KLK14: variants seen among roughly 807,000 people sequenced by gnomAD.
KLK14 encodes the protein kallikrein-14.
KLK14 carries 21 observed loss-of-function variants against 24.6 expected under a neutral mutation model. The observed-to-expected ratio is 0.85, with a 90% CI of 0.61 to 1.23. The LOEUF (loss-of-function observed/expected upper bound fraction) is 1.23, where lower values mean the gene tolerates loss of function less well. Among genes scored for constraint, KLK14 ranks in the 50% most tolerant of loss-of-function variants. The pLI, the probability that KLK14 is intolerant of heterozygous loss-of-function variation, is 0.00. For missense variants in KLK14, 320 were observed against 338.9 expected (o/e 0.94, Z 0.44); for synonymous variants, 133 against 139.7 (o/e 0.95, Z 0.34).
At chr19:51,081,186 T>C (rs527350245) in intron 3 of KLK14, among the ~76,000 whole-genome samples, 4 of 152,212 alleles carry the variant, frequency 2.6e-5, no homozygotes, top group Non-Finnish European at 5.9e-5. Context: ...CCTGAGTTTC[T>C]GAATGTAGAC....
chr19:51,079,821 A>G (rs2091828570), intron 3 of KLK14, 119 bp from the exon 4 acceptor site: 3 of 1,413,002 alleles, frequency 2.1e-6, no homozygotes, highest in South Asian at 1.4e-5. Flanking sequence ...CCTGCTTCTC[A>G]CTAACTGCAG....
downstream of KLK14, chr19:51,077,829 C>T (rs1280910544): frequency 7.1e-6 from 3 of 420,580 alleles, no homozygotes; most frequent in East Asian, 8.0e-5. Context: ...GGGGCCTGGA[C>T]TCCTGGGTCT....
At chr19:51,079,947 A>G (rs116811942) in intron 3 of KLK14, among the ~76,000 whole-genome samples, 152 of 152,204 alleles carry the variant, frequency 1.0e-3, no homozygotes, top group African/African-American at 3.4e-3. Context: ...GCTTGGGAAG[A>G]AGGTGATGAT....
chr19:51,079,164 G>GT (rs770316482), intron 4 of KLK14, among the ~76,000 whole-genome samples: 2 of 133,652 alleles, frequency 1.5e-5, no homozygotes, highest in Non-Finnish European at 3.1e-5. Flanking sequence ...CAGGTCCCCA[G>GT]CCCCTCCTCC....
In KLK14 at chr19:51,081,384, G is replaced by A; in HGVS notation, c.212+148C>T. On this transcript the variant is annotated intron_variant, in intron 3 of 5. Transcript: ENST00000650543. ...TGGAGGAGCCCACATCCCGAGCTGT[G>A]TTTTTGTTCCAGGCTCTTCTCTAGA... The A allele has an allele frequency of 1.3e-5, 8 of 619,470 alleles. No homozygotes were observed. In the Middle Eastern group the frequency reaches 3.1e-3, roughly 238 times the overall value. 38.4% of individuals were successfully genotyped at this position (619,470 alleles called of 1,614,324 possible).
intron 2 of KLK14, 76 bp downstream of exon 2, chr19:51,082,499 G>T (rs2091846836): frequency 7.0e-7 from 1 of 1,419,428 alleles, no homozygotes; most frequent in Non-Finnish European, 9.8e-7. Context: ...GCATCCAGGG[G>T]CCCCAAGGAC....
Position 51,081,512 on chromosome 19 carries a change from C to A in KLK14, c.212+20G>T. ...CTCTGGAATTCACTAGGTACAGGGA[C>A]AGGGGAGGGGGTCACTTACGGGCGG... On this transcript the variant is annotated intron_variant, in intron 3 of 5. Coordinates refer to ENST00000650543, the MANE Select transcript of KLK14 (RefSeq NM_001369775.2). 1 of 1,488,146 alleles carries A rather than the reference C, an allele frequency of 6.7e-7. No individual in the cohort carries two copies. The allele number at this position is 1,488,146 out of a possible 1,614,324, so 92.2% of individuals were successfully genotyped here. A position where few individuals can be genotyped will look rare whatever the true frequency, so the allele number is the denominator to read the frequency against.
In KLK14 at chr19:51,082,886, T is replaced by A. The variant is rs1466763223; in HGVS notation, c.-187A>T. The A allele has an allele frequency of 1.1e-6, 1 of 929,502 alleles. No individual in the cohort carries two copies. Among genetic ancestry groups the A allele is most frequent in the Non-Finnish European group, 1.6e-6 (1 of 608,058 alleles). 57.6% of individuals were successfully genotyped at this position (929,502 alleles called of 1,614,324 possible). A position where few individuals can be genotyped will look rare whatever the true frequency, so the allele number is the denominator to read the frequency against. The stretch of plus-strand genomic sequence containing the variant: ...ATGAAGGAAGGAGGGGAGGTGTCTC[T>A]CTTCCTAGTCACACTGGCAAAGCCT... On this transcript the variant is annotated 5_prime_UTR_variant, in exon 1 of 6. Coordinates refer to ENST00000650543, the MANE Select transcript of KLK14 (RefSeq NM_001369775.2).
chr19:51,081,541 C>A lies in KLK14; in HGVS notation c.203G>T (p.Cys68Phe). 1 of 1,519,342 alleles carries A rather than the reference C, an allele frequency of 6.6e-7. No homozygotes were observed. The highest frequency in any genetic ancestry group is 8.9e-7 in the Non-Finnish European group (1 of 1,128,326). The allele number at this position is 1,519,342 out of a possible 1,614,324, so 94.1% of individuals were successfully genotyped here. Residue 68 changes from cysteine (C) to phenylalanine (F), a missense_variant, in exon 3 of 6, where the codon TGC (cysteine) becomes TTC (phenylalanine). Cys to Phe is a radical substitution (Grantham distance 205). Transcript: ENST00000650543. Reference protein sequence around the residue: ...SGQWVITAAHCGRPILQVALG... With the variant: ...SGQWVITAAHFGRPILQVALG... ...GGAGGGGGTCACTTACGGGCGGCCG[C>A]AGTGAGCAGCAGTGATGACCCACTG...
At position 51,078,257 on chromosome 19, in the gene KLK14, A is replaced by C. The variant is rs1001331207; in HGVS notation, c.604-98T>G. On this transcript the variant is annotated intron_variant, in intron 5 of 5. Transcript: ENST00000650543. The surrounding 1 kb of genome is among the most constrained non-coding windows in gnomAD (Gnocchi z 5.0). ...GAAGCAGACACAGGGAGACAGGCAG[A>C]GACACTGGTGGACAGTTAGGGACAC... 30 of 1,307,640 alleles carry C rather than the reference A, an allele frequency of 2.3e-5. No homozygotes were observed. Among genetic ancestry groups the C allele is most frequent in the Non-Finnish European group, 2.5e-5 (24 of 946,734 alleles). 81.0% of individuals were successfully genotyped at this position (1,307,640 alleles called of 1,614,324 possible).
chr19:51,079,742 A>C, intron 3 of KLK14, 40 bp from the exon 4 acceptor site: 1 of 1,525,438 alleles, frequency 6.6e-7, no homozygotes, highest in South Asian at 1.2e-5. Context: ...TCAGGGTCTG[A>C]GCCAGAGACT....
intron 3 of KLK14, 70 bp from the exon 4 acceptor site, chr19:51,079,772 G>A (rs906390444): frequency 8.1e-5 from 121 of 1,491,282 alleles, no homozygotes; most frequent in Non-Finnish European, 1.0e-4. Context: ...CCTCCAGCCC[G>A]GTTCCCTGGC....
upstream of KLK14, among the ~76,000 whole-genome samples, chr19:51,083,546 A>G (rs1384640149): frequency 6.6e-6 from 1 of 152,008 alleles, no homozygotes; most frequent in East Asian, 1.9e-4. Flanking sequence ...GACAGTGGAG[A>G]GAGAGGAGTC....
At chr19:51,079,054 C>T (rs62114142) in intron 4 of KLK14, 103 bp from the exon 5 acceptor site, 45,570 of 690,100 alleles carry the variant, frequency 0.066, 856 homozygotes, top group African/African-American at 0.17. Context: ...CCAGCCCCAG[C>T]ACCTCCTCCC....
chr19:51,078,097 C>T lies in KLK14; in HGVS notation c.666G>A (p.Met222Ile), dbSNP rs1290469614. Residue 222 changes from methionine (M) to isoleucine (I), a missense_variant, in exon 6 of 6, where the codon ATG (methionine) becomes ATA (isoleucine). Physicochemically the swap from Met to Ile is conservative, Grantham distance 10 (BLOSUM62 1). Coordinates refer to ENST00000650543, the MANE Select transcript of KLK14 (RefSeq NM_001369775.2). This position sits in a 1 kb window ranked among gnomAD's most constrained non-coding sequence, Gnocchi z 5.0. ...GQLQGLVSWG[M>I]ERCALPGYPG... Reference sequence around the variant, plus strand: ...GGTAGCCAGGCAGGGCGCAGCGCTCCATTCCCCAAGACACGAGGCCCTGGA... The same window carrying T: ...GGTAGCCAGGCAGGGCGCAGCGCTCTATTCCCCAAGACACGAGGCCCTGGA... 2 of 1,613,960 alleles carry T rather than the reference C, an allele frequency of 1.2e-6. No homozygotes were observed. Among genetic ancestry groups the T allele is most frequent in the Admixed American group, 3.3e-5 (2 of 60,004 alleles).
Position 51,078,242 on chromosome 19 carries a change from CAG to C in KLK14, c.604-85_604-84del. On this transcript the variant is annotated intron_variant, in intron 5 of 5. Transcript: ENST00000650543. This position sits in a 1 kb window ranked among gnomAD's most constrained non-coding sequence, Gnocchi z 5.0. ...GCACAGAGAACCCGAGAAGCAGACACAGGGAGACAGGCAGAGACACTGGTGGA... is the reference window on the plus strand; with the variant it reads ...GCACAGAGAACCCGAGAAGCAGACACGGAGACAGGCAGAGACACTGGTGGA... 1 of 1,415,012 alleles carries C rather than the reference CAG, an allele frequency of 7.1e-7. No homozygotes were observed. Among genetic ancestry groups the C allele is most frequent in the South Asian group, 1.3e-5 (1 of 78,450 alleles). 87.7% of individuals were successfully genotyped at this position (1,415,012 alleles called of 1,614,324 possible). A position where few individuals can be genotyped will look rare whatever the true frequency, so the allele number is the denominator to read the frequency against.
chr19:51,083,292 A>AGG (rs879477718), upstream of KLK14, among the ~76,000 whole-genome samples: 119 of 146,560 alleles, frequency 8.1e-4, 2 homozygotes, highest in Middle Eastern at 3.6e-3. Context: ...AGAGGGAGAG[A>AGG]GAGAGAGAGA....
chr19:51,079,352 C>T (rs1004099167), intron 4 of KLK14, 97 bp downstream of exon 4: 1 of 1,301,572 alleles, frequency 7.7e-7, no homozygotes, highest in Admixed American at 2.6e-5. Flanking sequence ...GCCCCTCCTC[C>T]CTCAGACCCA....
At position 51,078,258 on chromosome 19, in the gene KLK14, G is replaced by T; in HGVS notation, c.604-99C>A. The T allele has an allele frequency of 1.6e-6, 2 of 1,260,040 alleles. No homozygotes were observed. The highest frequency in any genetic ancestry group is 2.2e-6 in the Non-Finnish European group (2 of 907,082). The allele number at this position is 1,260,040 out of a possible 1,614,324, so 78.1% of individuals were successfully genotyped here. A position where few individuals can be genotyped will look rare whatever the true frequency, so the allele number is the denominator to read the frequency against. On this transcript the variant is annotated intron_variant, in intron 5 of 5. Transcript: ENST00000650543. The surrounding 1 kb of genome is among the most constrained non-coding windows in gnomAD (Gnocchi z 5.0). ...AAGCAGACACAGGGAGACAGGCAGA[G>T]ACACTGGTGGACAGTTAGGGACACA...
Sources: allele counts gnomAD v4.1 joint callset (sites outside exome capture counted in the v4.1 genomes callset), GRCh38; gene constraint gnomAD v4.1.1; non-coding constraint Gnocchi (gnomAD v3.1); transcripts MANE v1.5; gene names NCBI Gene and HGNC (gene_info 2026-07-23, HGNC 2026-07-21).